The following SAMSN1 variants were observed in gnomAD, a reference collection of about 807,000 sequenced individuals.
SAMSN1 encodes the protein SAM domain, SH3 domain and nuclear localization signals 1.
In SAMSN1, 31 loss-of-function variants were observed where a neutral mutation model predicts 42.0. The observed-to-expected ratio is 0.74, with a 90% CI of 0.55 to 1.00. SAMSN1 has a LOEUF of 1.00. SAMSN1 is among the 50% of genes least tolerant of loss of function. The pLI is 0.00. For missense variants in SAMSN1, 464 were observed against 439.4 expected (o/e 1.06, Z -0.50); for synonymous variants, 178 against 151.9 (o/e 1.17, Z -1.26).
chr21:14,612,179 G>A (rs535365702), intron 4 of SAMSN1, among the ~76,000 whole-genome samples: 27 of 152,296 alleles, frequency 1.8e-4, no homozygotes, highest in African/African-American at 1.4e-4. Context: ...GTGGCAGTGA[G>A]CCAAGATTGC....
chr21:14,603,086 G>A (rs1319513873), intron 5 of SAMSN1, among the ~76,000 whole-genome samples: 2 of 152,080 alleles, frequency 1.3e-5, no homozygotes, highest in Non-Finnish European at 1.5e-5. Flanking sequence ...TTTTGATCTG[G>A]TTCTTTGAAT....
chr21:14,538,530 T>A (rs1979783802), intron 1 of SAMSN1, among the ~76,000 whole-genome samples: 1 of 152,206 alleles, frequency 6.6e-6, no homozygotes, highest in Admixed American at 6.5e-5. Context: ...TGGCCTCAAG[T>A]AAGCACCAGT....
In SAMSN1 at chr21:14,577,261, TATATATATATATATATA is replaced by T. The variant is rs1568816085; in HGVS notation, c.261+4858_261+4874del. ...GTGTATATATATATATATATATATA[TATATATATATATATATA>T]TATATATTTTTTTTTTAGAAGAGAC... On this transcript the variant is annotated intron_variant, in intron 2 of 8. Transcript: ENST00000285670. 3.1e-3 allele frequency among the ~76,000 whole-genome samples: 151 copies of T among 48,050 alleles called. 14 individuals carry two copies. The highest frequency in any genetic ancestry group is 0.021 in the African/African-American group (141 of 6,864). The allele number at this position is 48,050 out of a possible 152,430, so 31.5% of individuals were successfully genotyped here.
At chr21:14,489,596 G>T (rs1986593462) in intron 7 of SAMSN1, among the ~76,000 whole-genome samples, 1 of 151,916 alleles carries the variant, frequency 6.6e-6, no homozygotes, top group South Asian at 2.1e-4. Flanking sequence ...TTTGAATAAG[G>T]GTCTTTCTTA....
At chr21:14,652,813 A>C (rs769868941) in intron 1 of SAMSN1, among the ~76,000 whole-genome samples, 1 of 152,086 alleles carries the variant, frequency 6.6e-6, no homozygotes, top group Non-Finnish European at 1.5e-5. Context: ...ACCAGAACAC[A>C]CATGGAACTC....
At position 14,559,053 on chromosome 21, in the gene SAMSN1, C is replaced by A. The variant is rs937284219; in HGVS notation, c.261+23083G>T. Among the ~76,000 whole-genome samples, 4 of 152,162 alleles carry A rather than the reference C, an allele frequency of 2.6e-5. No individual in the cohort carries two copies. The East Asian group carries it at 5.8e-4, about 22-fold the overall frequency. ...ATGTCGGTCCCATCTCCACTAAAATCCTGGCCCTATAATTCTCTGAATATT... is the reference window on the plus strand; with the variant it reads ...ATGTCGGTCCCATCTCCACTAAAATACTGGCCCTATAATTCTCTGAATATT... On this transcript the variant is annotated intron_variant, in intron 2 of 8. Coordinates refer to the SAMSN1 transcript ENST00000285670.
chr21:14,625,672 A>G (rs1289018325), intron 2 of SAMSN1, among the ~76,000 whole-genome samples: 2 of 152,258 alleles, frequency 1.3e-5, no homozygotes, highest in Non-Finnish European at 2.9e-5. Context: ...ATGGATAGGA[A>G]GAATCAGTAT....
intron 1 of SAMSN1, among the ~76,000 whole-genome samples, chr21:14,525,032 T>C (rs1487267036): frequency 1.3e-5 from 2 of 151,968 alleles, no homozygotes; most frequent in African/African-American, 4.8e-5. Context: ...ATCAACTAAA[T>C]AGTTCATCAA....
At chr21:14,522,352 A>C (rs774475829) in intron 1 of SAMSN1, among the ~76,000 whole-genome samples, 3 of 152,214 alleles carry the variant, frequency 2.0e-5, no homozygotes, top group African/African-American at 4.8e-5. Context: ...GATGGTGGAT[A>C]TCTGATGTTG....
chr21:14,536,840 C>A (rs558355171), intron 1 of SAMSN1, among the ~76,000 whole-genome samples: 1 of 152,282 alleles, frequency 6.6e-6, no homozygotes, highest in East Asian at 1.9e-4. Flanking sequence ...TGTCTGCCAT[C>A]TTTAGACAGC....
chr21:14,528,204 C>T (rs919454178), intron 1 of SAMSN1, among the ~76,000 whole-genome samples: 1 of 152,062 alleles, frequency 6.6e-6, no homozygotes, highest in South Asian at 2.1e-4. Flanking sequence ...GAAACTTCTG[C>T]TTGGCCTACT....
At chr21:14,651,494 TA>T (rs1274448671) in intron 1 of SAMSN1, among the ~76,000 whole-genome samples, 1 of 151,836 alleles carries the variant, frequency 6.6e-6, no homozygotes, top group East Asian at 1.9e-4. Context: ...TCCTTCATGA[TA>T]AAAAAATACC....
At chr21:14,582,042 A>T in intron 2 of SAMSN1, 2 of 1,219,154 alleles carry the variant, frequency 1.6e-6, no homozygotes, top group Non-Finnish European at 2.2e-6. Context: ...TGAAACTGAT[A>T]AATTTCACTG....
upstream of SAMSN1, among the ~76,000 whole-genome samples, chr21:14,550,849 A>C (rs910038496): frequency 2.0e-5 from 3 of 152,160 alleles, no homozygotes; most frequent in Non-Finnish European, 2.9e-5. Flanking sequence ...AGACAAGATA[A>C]TCTATTGCAT....
intron 2 of SAMSN1, among the ~76,000 whole-genome samples, chr21:14,560,901 T>C (rs956206470): frequency 1.3e-5 from 2 of 152,186 alleles, no homozygotes; most frequent in Non-Finnish European, 1.5e-5. Flanking sequence ...TAGCAGCAGA[T>C]ATTATTGTCT....
intron 1 of SAMSN1, among the ~76,000 whole-genome samples, chr21:14,545,333 T>C (rs567109452): frequency 6.6e-6 from 1 of 152,238 alleles, no homozygotes; most frequent in African/African-American, 2.4e-5. Flanking sequence ...TAAAGACTGA[T>C]AGACAATAAA....
chr21:14,524,783 T>C (rs1274891485), intron 1 of SAMSN1, among the ~76,000 whole-genome samples: 3 of 152,154 alleles, frequency 2.0e-5, no homozygotes, highest in Non-Finnish European at 2.9e-5. Flanking sequence ...AAAAATTAAA[T>C]ACATCTTTTT....
intron 1 of SAMSN1, among the ~76,000 whole-genome samples, chr21:14,650,586 T>A (rs925104002): frequency 6.6e-6 from 1 of 151,796 alleles, no homozygotes; most frequent in African/African-American, 2.4e-5. Context: ...AAAAGATGAA[T>A]AACTGCAAAT....
chr21:14,543,768 T>C (rs1479258193), intron 1 of SAMSN1, among the ~76,000 whole-genome samples: 1 of 152,102 alleles, frequency 6.6e-6, no homozygotes, highest in African/African-American at 2.4e-5. Context: ...GATTTACAAT[T>C]TAAAAAAAAA....
Sources: allele counts gnomAD v4.1 joint callset (sites outside exome capture counted in the v4.1 genomes callset), GRCh38; gene constraint gnomAD v4.1.1; transcripts MANE v1.5; gene names NCBI Gene and HGNC (gene_info 2026-07-23, HGNC 2026-07-21).